The following LIMCH1 variants were observed in gnomAD, a reference collection of about 807,000 sequenced individuals.
LIMCH1 encodes the protein LIM and calponin homology domains 1, also known as LIM and calponin homology domains-containing protein 1.
A neutral mutation model predicts 176.5 loss-of-function variants in LIMCH1; 113 were observed. The ratio of observed to expected loss-of-function variants is 0.64; its 90% confidence interval spans 0.55 to 0.75. The LOEUF is 0.75. LIMCH1 is among the 30% of genes least tolerant of loss of function. The pLI, the probability that LIMCH1 is intolerant of heterozygous loss-of-function variation, is 0.00. For synonymous variants in LIMCH1, 619 were observed against 645.9 expected, an observed-to-expected ratio of 0.96 and a Z score of 0.63; for missense variants, 1,674 against 1,814.9, an observed-to-expected ratio of 0.92 and a Z score of 1.41.
intron 1 of LIMCH1, among the ~76,000 whole-genome samples, chr4:41,445,597 C>T (rs4604084): frequency 0.13 from 19,450 of 152,206 alleles, 3,732 homozygotes; most frequent in African/African-American, 0.41. Flanking sequence ...CAATTAGTTC[C>T]TCCAATTAGG....
At chr4:41,505,138 C>T (rs1039590330) in intron 2 of LIMCH1, among the ~76,000 whole-genome samples, 3 of 152,154 alleles carry the variant, frequency 2.0e-5, no homozygotes, top group Non-Finnish European at 4.4e-5. Context: ...TTCCCCCGTT[C>T]GTCTATGTAA....
At chr4:41,680,880 C>T (rs1715139452) in intron 24 of LIMCH1, 75 bp from the exon 25 acceptor site, 1 of 803,236 alleles carries the variant, frequency 1.2e-6, no homozygotes, top group Non-Finnish European at 2.1e-6. Flanking sequence ...TCTAAAGTGC[C>T]TTAATGACAT....
At chr4:41,663,914 G>A (rs2094725102) in intron 20 of LIMCH1, among the ~76,000 whole-genome samples, 1 of 150,620 alleles carries the variant, frequency 6.6e-6, no homozygotes, top group Non-Finnish European at 1.5e-5. Flanking sequence ...GGTGGTGAGT[G>A]CCTGTAATTC....
chr4:41,360,940 G>C lies in LIMCH1; in HGVS notation c.96+4G>C, dbSNP rs897436306. 1.9e-6 allele frequency: 3 copies of C among 1,569,268 alleles called. No individual in the cohort carries two copies. Among genetic ancestry groups the C allele is most frequent in the Non-Finnish European group, 1.7e-6 (2 of 1,160,718 alleles). ...CGAGGCGCAGAAGTGGATTGAGGTAGGTGCGGGTGGCTGGCGGGCGGCCTT... is the reference window on the plus strand; with the variant it reads ...CGAGGCGCAGAAGTGGATTGAGGTACGTGCGGGTGGCTGGCGGGCGGCCTT... On this transcript the variant is annotated splice_donor_region_variant and intron_variant, in intron 1 of 26. Coordinates refer to the LIMCH1 transcript ENST00000313860. This position sits in a 1 kb window ranked among gnomAD's most constrained non-coding sequence, Gnocchi z 4.5.
At chr4:41,385,813 C>G (rs112540682) in intron 1 of LIMCH1, 1 of 152,146 alleles carries the variant, frequency 6.6e-6, no homozygotes, top group African/African-American at 2.4e-5. Flanking sequence ...AAAAAGGTGG[C>G]GTATATATTG....
Position 41,662,912 on chromosome 4 carries a change from G to A in LIMCH1, c.3219G>A (p.Val1073=), listed in dbSNP as rs147033026. The A allele has an allele frequency of 6.2e-5, 100 of 1,614,024 alleles. No homozygotes were observed. In the African/African-American group the frequency reaches 1.1e-3, roughly 18 times the overall value. ...CCAGCCCCCAGCTGAAGAATGATGT[G>A]TCGGAAGAAAAAGACCAGAAGAAAC... ...FPSSPQLKND[V]SEEKDQKKPE... Residue 1073 remains valine, a synonymous_variant, in exon 20 of 32, where the codon GTG becomes GTA. Coordinates refer to ENST00000503057, the MANE Select transcript of LIMCH1 (RefSeq NM_001330672.2).
At chr4:41,413,699 T>G (rs892605154) in intron 1 of LIMCH1, among the ~76,000 whole-genome samples, 1 of 152,182 alleles carries the variant, frequency 6.6e-6, no homozygotes, top group Non-Finnish European at 1.5e-5. Flanking sequence ...TGTTAACATC[T>G]TATGCCATTT....
chr4:41,580,500 C>T (rs2085237165), intron 1 of LIMCH1, among the ~76,000 whole-genome samples: 1 of 151,822 alleles, frequency 6.6e-6, no homozygotes, highest in Non-Finnish European at 1.5e-5. Context: ...TGAAAGTTAT[C>T]AGAGAAGAAA....
At chr4:41,373,361 A>T (rs1037226684) in intron 1 of LIMCH1, among the ~76,000 whole-genome samples, 1 of 152,208 alleles carries the variant, frequency 6.6e-6, no homozygotes, top group Non-Finnish European at 1.5e-5. Context: ...GAGGTGCAGG[A>T]TGAAGCTAGA....
Position 41,697,303 on chromosome 4 carries a change from C to T in LIMCH1, c.*118C>T. 2.3e-6 allele frequency: 2 copies of T among 874,360 alleles called. No homozygotes were observed. Among genetic ancestry groups the T allele is most frequent in the Non-Finnish European group, 3.8e-6 (2 of 529,148 alleles). 54.2% of individuals were successfully genotyped at this position (874,360 alleles called of 1,614,324 possible). A position where few individuals can be genotyped will look rare whatever the true frequency, so the allele number is the denominator to read the frequency against. On this transcript the variant is annotated 3_prime_UTR_variant, in exon 32 of 32. Transcript: ENST00000503057. Reference sequence around the variant, plus strand: ...CAGCATTTACCTAATTTCTGAAAGGCTCTTCTGAAAGGTGGTATCTGTTCT... The same window carrying T: ...CAGCATTTACCTAATTTCTGAAAGGTTCTTCTGAAAGGTGGTATCTGTTCT...
At chr4:41,658,047 T>C (rs2094510100) in intron 18 of LIMCH1, among the ~76,000 whole-genome samples, 1 of 152,194 alleles carries the variant, frequency 6.6e-6, no homozygotes, top group Non-Finnish European at 1.5e-5. Flanking sequence ...GGAATTGGTG[T>C]GACTCCAAGC....
chr4:41,548,875 G>C (rs1439790704), intron 1 of LIMCH1, among the ~76,000 whole-genome samples: 1 of 152,180 alleles, frequency 6.6e-6, no homozygotes, highest in Non-Finnish European at 1.5e-5. Context: ...GAGGTGTAAA[G>C]AGCTGGGTTG....
At chr4:41,428,650 C>T (rs900199287) in intron 1 of LIMCH1, among the ~76,000 whole-genome samples, 6 of 152,150 alleles carry the variant, frequency 3.9e-5, no homozygotes, top group Admixed American at 2.6e-4. Flanking sequence ...TTGGCTGGCT[C>T]GATATTCTGT....
chr4:41,519,469 A>C (rs188104149), intron 2 of LIMCH1, among the ~76,000 whole-genome samples: 6 of 152,330 alleles, frequency 3.9e-5, no homozygotes, highest in Non-Finnish European at 8.8e-5. Context: ...GATTACTCTC[A>C]GTGCCATTAA....
At chr4:41,428,892 C>T (rs1052041533) in intron 1 of LIMCH1, among the ~76,000 whole-genome samples, 2 of 152,204 alleles carry the variant, frequency 1.3e-5, no homozygotes, top group Non-Finnish European at 2.9e-5. Flanking sequence ...CTCACTGCTG[C>T]CTGAAGTCTT....
chr4:41,612,045 A>C (rs2091481540), intron 4 of LIMCH1, among the ~76,000 whole-genome samples: 1 of 152,126 alleles, frequency 6.6e-6, no homozygotes, highest in African/African-American at 2.4e-5. Flanking sequence ...AGGCCATTTG[A>C]CAACCTGTTC....
At chr4:41,625,721 G>A (rs1461070871) in intron 7 of LIMCH1, among the ~76,000 whole-genome samples, 5 of 152,108 alleles carry the variant, frequency 3.3e-5, no homozygotes, top group Non-Finnish European at 1.5e-5. Context: ...AACACCCAAC[G>A]GAATTTGCAG....
intron 1 of LIMCH1, among the ~76,000 whole-genome samples, chr4:41,457,070 C>G (rs372283923): frequency 3.3e-5 from 5 of 152,278 alleles, no homozygotes; most frequent in East Asian, 3.9e-4. Flanking sequence ...CCTGAAAATT[C>G]AGAACTTATA....
At chr4:41,463,714 A>G (rs1233725755) in intron 1 of LIMCH1, among the ~76,000 whole-genome samples, 2 of 151,812 alleles carry the variant, frequency 1.3e-5, no homozygotes, top group Admixed American at 6.6e-5. Context: ...AGCAGCTGGC[A>G]CTACAGGTGC....
Sources: gnomAD v4.1 joint callset for allele counts (sites outside exome capture counted in the v4.1 genomes callset) on GRCh38, gnomAD v4.1.1 for gene constraint, Gnocchi (gnomAD v3.1) non-coding constraint, MANE v1.5 for transcripts, NCBI Gene and HGNC (gene_info 2026-07-23, HGNC 2026-07-21) for gene names.